PCDH9: variants seen among roughly 807,000 people sequenced by gnomAD.
The protein encoded by PCDH9 is protocadherin 9, also known as protocadherin-9.
A neutral mutation model predicts 70.6 loss-of-function variants in PCDH9; 24 were observed. The observed-to-expected ratio is 0.34, with a 90% confidence interval of 0.25 to 0.48. The LOEUF is 0.48. PCDH9 is among the 20% of genes least tolerant of loss of function. The probability of loss-of-function intolerance (pLI) is 0.99; values close to 1 mark genes in which losing one functional copy is unlikely to be tolerated. For missense variants in PCDH9, 1,281 were observed against 1,503.6 expected, an observed-to-expected ratio of 0.85 and a Z score of 2.45; for synonymous variants, 562 against 558.5, an observed-to-expected ratio of 1.01 and a Z score of -0.09.
intron 2 of PCDH9, among the ~76,000 whole-genome samples, chr13:67,141,584 G>A (rs1488834971): frequency 1.3e-5 from 2 of 151,910 alleles, no homozygotes; most frequent in African/African-American, 4.8e-5. Context: ...GGGATTACAG[G>A]TGCCTGCCAC....
chr13:67,175,350 G>A (rs958092954), intron 2 of PCDH9, among the ~76,000 whole-genome samples: 4 of 152,074 alleles, frequency 2.6e-5, no homozygotes, highest in Non-Finnish European at 5.9e-5. Context: ...AACAAATAAA[G>A]CATCTTATGT....
chr13:67,189,447 G>A (rs757102450), intron 2 of PCDH9, among the ~76,000 whole-genome samples: 1 of 152,024 alleles, frequency 6.6e-6, no homozygotes, highest in African/African-American at 2.4e-5. Context: ...TACTGTGACT[G>A]AAGAAATATT....
intron 3 of PCDH9, among the ~76,000 whole-genome samples, chr13:66,902,280 A>G (rs1404627726): frequency 6.6e-6 from 1 of 151,760 alleles, no homozygotes; most frequent in African/African-American, 2.4e-5. Context: ...AAGAAATAGA[A>G]TAAAAATATG....
rs531908737 is a variant in PCDH9 at position 66,386,008 on chromosome 13, A to C, written c.3341-80980T>G. On this transcript the variant is annotated intron_variant, in intron 4 of 4. Coordinates refer to ENST00000377865, the MANE Select transcript of PCDH9 (RefSeq NM_203487.3). The stretch of plus-strand genomic sequence containing the variant: ...GAAACGTATCTGATAAAAAAAAAAA[A>C]AGGGAAGAAAAAGTATCTTTTAGCT... Among the ~76,000 whole-genome samples the C allele has an allele frequency of 2.0e-5, 3 of 152,004 alleles. No homozygotes were observed. In the South Asian group the frequency reaches 6.2e-4, roughly 32 times the overall value.
chr13:67,184,465 A>G (rs375258822), intron 2 of PCDH9, among the ~76,000 whole-genome samples: 1 of 152,198 alleles, frequency 6.6e-6, no homozygotes, highest in Non-Finnish European at 1.5e-5. Context: ...ATGGTGACTC[A>G]TGCTTGTAAT....
intron 4 of PCDH9, among the ~76,000 whole-genome samples, chr13:66,489,619 G>T (rs1435010335): frequency 6.6e-6 from 1 of 152,032 alleles, no homozygotes; most frequent in Non-Finnish European, 1.5e-5. Flanking sequence ...GCCAACATTT[G>T]ATTATTAGTA....
chr13:66,383,787 T>G (rs1956885521), intron 4 of PCDH9, among the ~76,000 whole-genome samples: 1 of 152,190 alleles, frequency 6.6e-6, no homozygotes, highest in South Asian at 2.1e-4. Flanking sequence ...GCACCACATT[T>G]CCTTAGCAAG....
At chr13:66,796,589 G>A (rs2080245290) in intron 3 of PCDH9, among the ~76,000 whole-genome samples, 1 of 152,052 alleles carries the variant, frequency 6.6e-6, no homozygotes, top group African/African-American at 2.4e-5. Flanking sequence ...CTCATTTGAT[G>A]GGTGCATAAG....
At chr13:66,964,377 T>C (rs931065332) in intron 2 of PCDH9, among the ~76,000 whole-genome samples, 2 of 151,882 alleles carry the variant, frequency 1.3e-5, no homozygotes, top group Non-Finnish European at 2.9e-5. Flanking sequence ...AAATGAATTG[T>C]AGTGATTGTA....
intron 4 of PCDH9, among the ~76,000 whole-genome samples, chr13:66,313,526 A>G (rs933373380): frequency 9.2e-5 from 14 of 152,200 alleles, no homozygotes; most frequent in Non-Finnish European, 1.9e-4. Context: ...CACTTACATA[A>G]TATTTTGTCC....
chr13:66,756,692 G>A (rs533211304), intron 3 of PCDH9, among the ~76,000 whole-genome samples: 12 of 152,188 alleles, frequency 7.9e-5, no homozygotes, highest in Non-Finnish European at 1.8e-4. Context: ...AGGAGATAGT[G>A]TTGATACTGC....
chr13:66,623,719 A>C (rs4884682), intron 4 of PCDH9, among the ~76,000 whole-genome samples: 129,329 of 152,202 alleles, frequency 0.85, 55,716 homozygotes, highest in Admixed American at 0.92. Flanking sequence ...AATTATAGGC[A>C]TGAGCCACTG....
At chr13:67,167,939 A>T (rs1158059051) in intron 2 of PCDH9, among the ~76,000 whole-genome samples, 1 of 152,206 alleles carries the variant, frequency 6.6e-6, no homozygotes, top group Non-Finnish European at 1.5e-5. Context: ...GGAACAAGGG[A>T]AAAGGAAACA....
intron 4 of PCDH9, among the ~76,000 whole-genome samples, chr13:66,467,551 T>C (rs1236532784): frequency 6.6e-6 from 1 of 152,064 alleles, no homozygotes; most frequent in African/African-American, 2.4e-5. Flanking sequence ...CCTCAAGCTT[T>C]CCTTCTGTTT....
rs1029001195 is a variant in PCDH9, at chr13:67,139,076, T to A, written c.3036+86329A>T. Among the ~76,000 whole-genome samples the A allele has an allele frequency of 5.9e-5, 9 of 152,278 alleles. No individual in the cohort carries two copies. In the South Asian group the frequency reaches 1.9e-3, roughly 32 times the overall value. ...TCAATTCTCAAGGGCAAAACTCTAG[T>A]CAATCCTATCACATGTGCACCTTCT... On this transcript the variant is annotated intron_variant, in intron 2 of 4. Transcript: ENST00000377865.
intron 4 of PCDH9, among the ~76,000 whole-genome samples, chr13:66,314,494 A>T (rs771924236): frequency 2.4e-4 from 36 of 152,162 alleles, no homozygotes; most frequent in Non-Finnish European, 4.6e-4. Flanking sequence ...TCTGCACTTC[A>T]CCTATGTGAG....
chr13:66,697,349 G>C (rs2078577863), intron 3 of PCDH9, among the ~76,000 whole-genome samples: 1 of 151,922 alleles, frequency 6.6e-6, no homozygotes, highest in Non-Finnish European at 1.5e-5. Flanking sequence ...CAAAATTGTA[G>C]AGTAGAACAA....
intron 4 of PCDH9, among the ~76,000 whole-genome samples, chr13:66,305,339 T>A (rs970654859): frequency 6.6e-6 from 1 of 151,966 alleles, no homozygotes; most frequent in Non-Finnish European, 1.5e-5. Flanking sequence ...TATACAGATA[T>A]AACCATGATG....
rs748177927 is a variant in PCDH9 at position 67,042,160 on chromosome 13, G to T, written c.3037-138555C>A. On this transcript the variant is annotated intron_variant, in intron 2 of 4. Coordinates refer to ENST00000377865, the MANE Select transcript of PCDH9 (RefSeq NM_203487.3). ...ATGGGGCTTGTAGCGTGAAAGAGAAGTACAGTTGTATAGTATTAGTCTTCT... is the reference window on the plus strand; with the variant it reads ...ATGGGGCTTGTAGCGTGAAAGAGAATTACAGTTGTATAGTATTAGTCTTCT... 3.4e-4 allele frequency among the ~76,000 whole-genome samples: 52 copies of T among 152,136 alleles called. 1 individual carries two copies. The highest frequency in any genetic ancestry group is 8.8e-5 in the Non-Finnish European group (6 of 68,026).
Sources: allele counts gnomAD v4.1 joint callset (sites outside exome capture counted in the v4.1 genomes callset), GRCh38; gene constraint gnomAD v4.1.1; transcripts MANE v1.5; gene names NCBI Gene and HGNC (gene_info 2026-07-23, HGNC 2026-07-21).